The following RBFOX1 variants were observed in gnomAD, a reference collection of about 807,000 sequenced individuals.
The protein encoded by RBFOX1 is RNA binding protein fox-1 homolog 1.
RBFOX1 carries 8 observed loss-of-function variants against 57.7 expected under a neutral mutation model. That is an observed-to-expected ratio of 0.14 (90% CI 0.08 to 0.25). The LOEUF (loss-of-function observed/expected upper bound fraction) is 0.25, where lower values mean the gene tolerates loss of function less well. Ranked by LOEUF, RBFOX1 falls within the 10% of genes least tolerant of loss-of-function variation. RBFOX1 has a pLI of 1.00. For synonymous variants in RBFOX1, 326 were observed against 222.4 expected (o/e 1.47, Z -4.15); for missense variants, 611 against 548.5 (o/e 1.11, Z -1.14).
At chr16:7,478,371 C>T (rs1334021752) in intron 4 of RBFOX1, among the ~76,000 whole-genome samples, 1 of 152,156 alleles carries the variant, frequency 6.6e-6, no homozygotes, top group South Asian at 2.1e-4. Flanking sequence ...GAAAAAAATA[C>T]ATCTAAAGGG....
chr16:6,108,760 T>A (rs1319856059), intron 1 of RBFOX1, among the ~76,000 whole-genome samples: 1 of 152,138 alleles, frequency 6.6e-6, no homozygotes, highest in Non-Finnish European at 1.5e-5. Flanking sequence ...GGTGCTGCCC[T>A]TGACTGGCTT....
At chr16:5,474,581 G>T (rs1283973872) in intron 2 of RBFOX1, among the ~76,000 whole-genome samples, 1 of 152,002 alleles carries the variant, frequency 6.6e-6, no homozygotes, top group African/African-American at 2.4e-5. Flanking sequence ...TTGAACCCAG[G>T]AGGCAGAGGT....
intron 1 of RBFOX1, among the ~76,000 whole-genome samples, chr16:5,455,294 G>A (rs1438063092): frequency 1.3e-5 from 2 of 151,894 alleles, no homozygotes; most frequent in African/African-American, 4.8e-5. Flanking sequence ...TTTCCAAGAG[G>A]GAGTGCCCAG....
At chr16:6,921,804 A>G in intron 3 of RBFOX1, among the ~76,000 whole-genome samples, 1 of 152,030 alleles carries the variant, frequency 6.6e-6, no homozygotes, top group East Asian at 1.9e-4. Flanking sequence ...ACATGAACAT[A>G]ATCACCATGT....
chr16:7,418,108 A>G (rs1026596701), intron 4 of RBFOX1, among the ~76,000 whole-genome samples: 1 of 151,020 alleles, frequency 6.6e-6, no homozygotes, highest in Non-Finnish European at 1.5e-5. Flanking sequence ...TCCTAACCTC[A>G]CCTCTCCCCC....
intron 2 of RBFOX1, among the ~76,000 whole-genome samples, chr16:5,559,069 C>T (rs10852659): frequency 0.41 from 61,007 of 150,254 alleles, 12,614 homozygotes; most frequent in East Asian, 0.49. Flanking sequence ...GGGGGGTTTG[C>T]CTGAGGAAAC....
At chr16:6,022,280 A>G (rs1226196500) in intron 1 of RBFOX1, among the ~76,000 whole-genome samples, 1 of 151,310 alleles carries the variant, frequency 6.6e-6, no homozygotes, top group East Asian at 1.9e-4. Flanking sequence ...TTAGAACATC[A>G]TTTATTTAAT....
At chr16:7,610,146 G>GTTTTTTTTTTTTTTTTTTTTTTTTTT (rs2057185345) in intron 10 of RBFOX1, among the ~76,000 whole-genome samples, 1 of 49,388 alleles carries the variant, frequency 2.0e-5, no homozygotes, top group African/African-American at 1.4e-4. Flanking sequence ...TTTTGAGGCA[G>GTTTTTTTTTTTTTTTTTTTTTTTTTT]TTTTGCTCTG....
intron 13 of RBFOX1, among the ~76,000 whole-genome samples, chr16:7,676,491 C>A (rs1490886229): frequency 6.6e-6 from 1 of 152,186 alleles, no homozygotes; most frequent in Admixed American, 6.5e-5. Flanking sequence ...CACCCCAAGA[C>A]AATCGCCATT....
chr16:6,150,278 T>C (rs963262536), intron 1 of RBFOX1, among the ~76,000 whole-genome samples: 2 of 152,060 alleles, frequency 1.3e-5, no homozygotes, highest in Non-Finnish European at 2.9e-5. Flanking sequence ...CCCAGGAAGT[T>C]TACCCAGATT....
chr16:6,683,531 T>C (rs993299444), intron 3 of RBFOX1, among the ~76,000 whole-genome samples: 2 of 152,188 alleles, frequency 1.3e-5, no homozygotes, highest in Non-Finnish European at 2.9e-5. Context: ...TATATGTATA[T>C]AGCTTTTGTT....
intron 14 of RBFOX1, among the ~76,000 whole-genome samples, chr16:7,697,517 AT>A (rs2079163229): frequency 4.7e-5 from 1 of 21,178 alleles, no homozygotes; most frequent in Non-Finnish European, 1.2e-4. Context: ...ATATACATAC[AT>A]GCATGTATAT....
At chr16:6,299,789 T>C (rs2078590466) in intron 1 of RBFOX1, among the ~76,000 whole-genome samples, 1 of 152,186 alleles carries the variant, frequency 6.6e-6, no homozygotes, top group African/African-American at 2.4e-5. Flanking sequence ...CACTAAGGGA[T>C]CTTTGGGAAA....
At chr16:7,403,562 T>TTCCCCC (rs1487515249) in intron 4 of RBFOX1, among the ~76,000 whole-genome samples, 1 of 114,666 alleles carries the variant, frequency 8.7e-6, no homozygotes, top group Non-Finnish European at 1.7e-5. Context: ...AATGAGAGAA[T>TTCCCCC]CCCCCCCCCC....
At chr16:6,820,588 G>A (rs991071504) in intron 3 of RBFOX1, among the ~76,000 whole-genome samples, 3 of 152,072 alleles carry the variant, frequency 2.0e-5, no homozygotes, top group African/African-American at 7.2e-5. Flanking sequence ...GAGCCCGGGA[G>A]TTAGAGGCTG....
chr16:6,387,264 C>T (rs543402551), intron 2 of RBFOX1, among the ~76,000 whole-genome samples: 1 of 152,266 alleles, frequency 6.6e-6, no homozygotes, highest in Non-Finnish European at 1.5e-5. Flanking sequence ...CCGTAGCCTT[C>T]ATTTTCAATG....
At chr16:7,277,108 C>T (rs2095455352) in intron 4 of RBFOX1, among the ~76,000 whole-genome samples, 2 of 152,132 alleles carry the variant, frequency 1.3e-5, no homozygotes, top group Admixed American at 6.6e-5. Flanking sequence ...GATAATTGAT[C>T]CTTTGACTAT....
chr16:7,165,933 T>TACACACACACACAC (rs889669390), intron 4 of RBFOX1, among the ~76,000 whole-genome samples: 36 of 143,144 alleles, frequency 2.5e-4, no homozygotes, highest in Non-Finnish European at 3.6e-4. Flanking sequence ...CGCATGCACA[T>TACACACACACACAC]ACACACACAC....
chr16:5,805,969 G>C (rs1049487540), intron 3 of RBFOX1, among the ~76,000 whole-genome samples: 1 of 152,194 alleles, frequency 6.6e-6, no homozygotes, highest in Non-Finnish European at 1.5e-5. Context: ...TCCTAGCACA[G>C]TGTTGATCTC....
Sources: gnomAD v4.1 joint callset for allele counts (sites outside exome capture counted in the v4.1 genomes callset) on GRCh38, gnomAD v4.1.1 for gene constraint, MANE v1.5 for transcripts, NCBI Gene and HGNC (gene_info 2026-07-23, HGNC 2026-07-21) for gene names.